Variants in SVOP observed in about 807,000 individuals in gnomAD.
SVOP encodes the protein SV2 related protein, also known as synaptic vesicle 2-related protein.
In SVOP, 17 loss-of-function variants were observed where a neutral mutation model predicts 69.1. That is an observed-to-expected ratio of 0.25 (90% CI 0.17 to 0.37). The LOEUF is 0.37. Ranked by LOEUF, SVOP falls within the 10% of genes least tolerant of loss-of-function variation. The pLI, the probability that SVOP is intolerant of heterozygous loss-of-function variation, is 1.00. For missense variants in SVOP, 435 were observed against 597.5 expected (o/e 0.73, Z 2.84); for synonymous variants, 238 against 238.6 (o/e 1.00, Z 0.02).
intron 1 of SVOP, among the ~76,000 whole-genome samples, chr12:108,993,206 C>T (rs998318643): frequency 6.6e-6 from 1 of 152,038 alleles, no homozygotes; most frequent in African/African-American, 2.4e-5. Context: ...CAGGGTTTCA[C>T]CATGTTGGCC....
chr12:108,985,303 G>A (rs1423660354), intron 1 of SVOP, among the ~76,000 whole-genome samples: 2 of 131,448 alleles, frequency 1.5e-5, no homozygotes, highest in Admixed American at 7.3e-5. Flanking sequence ...GAAAGAGAGA[G>A]AGAAAGAAAT....
At chr12:108,992,017 T>C (rs1267314581) in intron 1 of SVOP, among the ~76,000 whole-genome samples, 2 of 152,112 alleles carry the variant, frequency 1.3e-5, no homozygotes, top group African/African-American at 2.4e-5. Context: ...ATAGAGATTG[T>C]GGGGGTGCTT....
intron 3 of SVOP, among the ~76,000 whole-genome samples, chr12:108,978,075 A>AG (rs1181959789): frequency 6.6e-6 from 1 of 152,026 alleles, no homozygotes; most frequent in Non-Finnish European, 1.5e-5. Context: ...TTTTCCAATT[A>AG]GGGGGGGAAA....
At chr12:108,961,162 A>C in intron 5 of SVOP, 115 bp from the exon 6 acceptor site, 15 of 1,278,648 alleles carry the variant, frequency 1.2e-5, no homozygotes, top group African/African-American at 4.5e-5. Context: ...CTACACAACC[A>C]AGGGGGTACT....
At chr12:108,928,979 A>C (rs2039799577) in intron 11 of SVOP, among the ~76,000 whole-genome samples, 1 of 152,202 alleles carries the variant, frequency 6.6e-6, no homozygotes, top group Non-Finnish European at 1.5e-5. Flanking sequence ...GACAGAAAAG[A>C]ATCTGAACAG....
chr12:108,939,341 G>T (rs1470255284), intron 8 of SVOP, among the ~76,000 whole-genome samples: 2 of 152,150 alleles, frequency 1.3e-5, no homozygotes, highest in East Asian at 3.9e-4. Flanking sequence ...GGTGAGGGCT[G>T]AATTAAATTA....
At chr12:109,006,304 G>A (rs1337716399) in intron 1 of SVOP, among the ~76,000 whole-genome samples, 3 of 152,040 alleles carry the variant, frequency 2.0e-5, no homozygotes, top group Non-Finnish European at 4.4e-5. Context: ...CTGCCTACCT[G>A]GGCCTCCCAA....
At chr12:108,937,438 T>G (rs988391278) in intron 9 of SVOP, 101 bp from the exon 10 acceptor site, 1 of 1,161,658 alleles carries the variant, frequency 8.6e-7, no homozygotes, top group Non-Finnish European at 1.3e-6. Context: ...GGGAGGAAGG[T>G]TTCTAGTAAG....
rs183327297 is a variant in SVOP, at chr12:109,013,670, G to A, written c.35+7164C>T. Among the ~76,000 whole-genome samples the A allele has an allele frequency of 6.5e-3, 989 of 152,092 alleles. 6 individuals are homozygous for A. The highest frequency in any genetic ancestry group is 0.017 in the Middle Eastern group (5 of 294). ...CTCCCAAAGTGCTGGGATTACAGGC[G>A]TGAGCCACTGCACCCAGCCCAATCT... On this transcript the variant is annotated intron_variant, in intron 1 of 15. Coordinates refer to ENST00000610966, the MANE Select transcript of SVOP (RefSeq NM_018711.5).
At chr12:108,985,016 A>C (rs1047620923) in intron 1 of SVOP, among the ~76,000 whole-genome samples, 75,196 of 151,754 alleles carry the variant, frequency 0.5, 23,176 homozygotes, top group African/African-American at 0.87. Flanking sequence ...TGCTTGGGCA[A>C]AGGAGTTCAA....
rs78674776 is a variant in SVOP at position 108,920,719 on chromosome 12, T to A, written c.1157-933A>T. On this transcript the variant is annotated intron_variant, in intron 12 of 15. Coordinates refer to ENST00000610966, the MANE Select transcript of SVOP (RefSeq NM_018711.5). ...TTCAAGCGATTCCTGTGCCTCAGCC[T>A]GCTGAGTAGCTGGGACTACAGGTGC... 4.6e-5 allele frequency among the ~76,000 whole-genome samples: 7 copies of A among 151,436 alleles called. No homozygotes were observed. In the East Asian group the frequency reaches 1.2e-3, roughly 25 times the overall value.
At chr12:109,014,266 C>T (rs557240907) in intron 1 of SVOP, among the ~76,000 whole-genome samples, 4 of 151,968 alleles carry the variant, frequency 2.6e-5, no homozygotes, top group Admixed American at 6.6e-5. Flanking sequence ...CAAAGTGCCT[C>T]GGCCTTCCAA....
chr12:108,980,829 G>A (rs1439272750), intron 2 of SVOP, among the ~76,000 whole-genome samples: 1 of 151,996 alleles, frequency 6.6e-6, no homozygotes, highest in African/African-American at 2.4e-5. Context: ...GGAGGCTGAG[G>A]CAGGAGAATC....
intron 3 of SVOP, 160 bp downstream of exon 3, chr12:108,978,418 G>T: frequency 1.7e-6 from 1 of 572,798 alleles, no homozygotes. Flanking sequence ...CACAGATCTC[G>T]TTATCACCAC....
rs563040800 is a variant in SVOP, at chr12:109,010,361, T to C, written c.35+10473A>G. On this transcript the variant is annotated intron_variant, in intron 1 of 15. Transcript: ENST00000610966. ...CACATGCAAATCTGCATAATTCTTT[T>C]AGACAGCCCAGAGAAGACTTTAGCT... 2.6e-3 allele frequency among the ~76,000 whole-genome samples: 396 copies of C among 152,258 alleles called. 3 individuals carry two copies. Among genetic ancestry groups the C allele is most frequent in the African/African-American group, 8.9e-3 (370 of 41,558 alleles).
At chr12:108,987,359 G>A (rs139429867) in intron 1 of SVOP, among the ~76,000 whole-genome samples, 56 of 152,290 alleles carry the variant, frequency 3.7e-4, no homozygotes, top group African/African-American at 1.3e-3. Context: ...TGATGGACAG[G>A]TTGTTTCCAT....
chr12:108,954,610 G>A (rs772431118), intron 6 of SVOP, among the ~76,000 whole-genome samples: 11 of 152,180 alleles, frequency 7.2e-5, no homozygotes, highest in Non-Finnish European at 1.6e-4. Context: ...GTTTTGGGGT[G>A]TGATTTTCTC....
At chr12:108,973,807 C>G (rs2040092347) in intron 4 of SVOP, among the ~76,000 whole-genome samples, 1 of 152,224 alleles carries the variant, frequency 6.6e-6, no homozygotes, top group South Asian at 2.1e-4. Flanking sequence ...CTGACTCCCT[C>G]TTTCTCAGCC....
At chr12:108,974,801 A>T (rs145593731) in intron 4 of SVOP, among the ~76,000 whole-genome samples, 6,722 of 152,254 alleles carry the variant, frequency 0.044, 509 homozygotes, top group African/African-American at 0.15. Flanking sequence ...GAAAAAAGCA[A>T]TGCAAAATTT....
Sources: gnomAD v4.1 joint callset for allele counts (sites outside exome capture counted in the v4.1 genomes callset) on GRCh38, gnomAD v4.1.1 for gene constraint, MANE v1.5 for transcripts, NCBI Gene and HGNC (gene_info 2026-07-23, HGNC 2026-07-21) for gene names.